The following TGM4 variants were observed in gnomAD, a reference collection of about 807,000 sequenced individuals.
TGM4 encodes transglutaminase 4.
TGM4 carries 61 observed loss-of-function variants against 76.3 expected under a neutral mutation model. The ratio of observed to expected loss-of-function variants is 0.80; its 90% CI spans 0.65 to 0.99. The LOEUF is 0.99. Among genes scored for constraint, TGM4 ranks in the 50% least tolerant of loss-of-function variants. TGM4 has a pLI of 0.00. For missense variants in TGM4, 794 were observed against 843.2 expected (o/e 0.94, Z 0.72); for synonymous variants, 337 against 329.8 (o/e 1.02, Z -0.24).
chr3:44,899,842 T>C (rs1699828565), intron 6 of TGM4, among the ~76,000 whole-genome samples: 1 of 152,182 alleles, frequency 6.6e-6, no homozygotes, highest in African/African-American at 2.4e-5. Flanking sequence ...CAGCCTCAGG[T>C]CAGGGCAGCT....
intron 13 of TGM4, among the ~76,000 whole-genome samples, chr3:44,912,464 T>G (rs891214398): frequency 6.6e-6 from 1 of 152,326 alleles, no homozygotes. Context: ...TTCATTTGTC[T>G]TCTTCTAATA....
chr3:44,911,218 G>A, intron 12 of TGM4, 52 bp from the exon 13 acceptor site: 3 of 1,611,442 alleles, frequency 1.9e-6, no homozygotes, highest in Non-Finnish European at 2.5e-6. Context: ...AGGGTCCTTG[G>A]TTGGCTCATG....
chr3:44,905,272 C>A (rs1036370836), intron 9 of TGM4, among the ~76,000 whole-genome samples: 3 of 149,960 alleles, frequency 2.0e-5, no homozygotes, highest in Non-Finnish European at 2.9e-5. Flanking sequence ...AGGTGTGAAC[C>A]ACCGCACCCA....
intron 1 of TGM4, 129 bp downstream of exon 1, chr3:44,874,826 T>C (rs1575706943): frequency 9.4e-7 from 1 of 1,069,378 alleles, no homozygotes; most frequent in East Asian, 2.6e-5. Context: ...CTGGTGCTGC[T>C]TGCTTTCTGT....
intron 10 of TGM4, among the ~76,000 whole-genome samples, chr3:44,908,862 C>G (rs1699962727): frequency 6.6e-6 from 1 of 152,088 alleles, no homozygotes; most frequent in African/African-American, 2.4e-5. Context: ...CACCCCCACA[C>G]CACCATGTAT....
In TGM4 at chr3:44,885,488, A is replaced by G. The variant is rs1290345504; in HGVS notation, c.183A>G (p.Glu61=). The G allele has an allele frequency of 6.2e-7, 1 of 1,611,176 alleles. No homozygotes were observed. Among genetic ancestry groups the G allele is most frequent in the Non-Finnish European group, 8.5e-7 (1 of 1,178,892 alleles). The change falls in exon 2 of 14, where the codon GAA becomes GAG. Residue 61 remains glutamate, a synonymous_variant. Transcript: ENST00000296125. ...AATCCTACCACCAACTGAAACTGGA[A>G]TTCAGCACAGGTGAAGCCTCGGGGC... ...PLQSYHQLKL[E]FSTGPNPSIA...
rs1198739641 is a variant in TGM4 at position 44,901,827 on chromosome 3, G to C, written c.867G>C (p.Val289=). The stretch of plus-strand genomic sequence containing the variant: ...CGTTGGGCATCCCAGCACGCAGTGT[G>C]ACAGGCTTCGATTCAGCTCACGACA... ...LRALGIPARS[V]TGFDSAHDTE... The change falls in exon 8 of 14, where the codon GTG becomes GTC. Residue 289 remains valine, a synonymous_variant. Coordinates refer to ENST00000296125, the MANE Select transcript of TGM4 (RefSeq NM_003241.4). 1.9e-6 allele frequency: 3 copies of C among 1,614,170 alleles called. No individual in the cohort carries two copies. The highest frequency in any genetic ancestry group is 2.5e-6 in the Non-Finnish European group (3 of 1,180,024).
chr3:44,890,421 C>G (rs1019549332), intron 3 of TGM4, 182 bp from the exon 4 acceptor site: 4 of 750,942 alleles, frequency 5.3e-6, no homozygotes, highest in Non-Finnish European at 6.5e-6. Flanking sequence ...GCTTTTCTGT[C>G]TCATGCATCC....
At chr3:44,909,137 G>C (rs1380849053) in intron 10 of TGM4, among the ~76,000 whole-genome samples, 1 of 152,210 alleles carries the variant, frequency 6.6e-6, no homozygotes, top group Non-Finnish European at 1.5e-5. Flanking sequence ...GAATCATTAA[G>C]ACTCCTAGCC....
In TGM4 at chr3:44,885,353, G is replaced by T; in HGVS notation, c.48G>T (p.Leu16Phe). ...TGCAAGTTCTCCACATTGACTTCTT[G>T]AATCAGGACAACGCCGTTTCTCACC... Reference protein sequence around the residue: ...KELQVLHIDFLNQDNAVSHHT... With the variant: ...KELQVLHIDFFNQDNAVSHHT... The change falls in exon 2 of 14, where the codon TTG becomes TTT. Residue 16 changes from leucine (L) to phenylalanine (F), a missense_variant. Physicochemically the swap from Leu to Phe is conservative, Grantham distance 22. Transcript: ENST00000296125. 11 of 1,611,342 alleles carry T rather than the reference G, an allele frequency of 6.8e-6. No individual in the cohort carries two copies. Among genetic ancestry groups the T allele is most frequent in the Non-Finnish European group, 9.3e-6 (11 of 1,177,758 alleles).
chr3:44,896,827 A>G lies in TGM4; in HGVS notation c.657+11A>G, dbSNP rs776553357. On this transcript the variant is annotated intron_variant, in intron 6 of 13. Transcript: ENST00000296125. ...GCCATGTGTGCTATGGTAGGTATGGAAAGCCTGGGCTGATGCTGTCTTGTA... is the reference window on the plus strand; with the variant it reads ...GCCATGTGTGCTATGGTAGGTATGGGAAGCCTGGGCTGATGCTGTCTTGTA... 6.2e-7 allele frequency: 1 copy of G among 1,611,852 alleles called. No homozygotes were observed. The highest frequency in any genetic ancestry group is 1.7e-5 in the Admixed American group (1 of 59,992).
intron 1 of TGM4, among the ~76,000 whole-genome samples, chr3:44,878,480 T>C (rs1427714759): frequency 6.8e-6 from 1 of 147,098 alleles, no homozygotes; most frequent in Non-Finnish European, 1.5e-5. Context: ...ATTATTATTA[T>C]TATTATTATT....
At chr3:44,885,731 G>T (rs1259286320) in intron 2 of TGM4, among the ~76,000 whole-genome samples, 2 of 152,160 alleles carry the variant, frequency 1.3e-5, no homozygotes, top group Non-Finnish European at 2.9e-5. Context: ...GCAGGGGAGG[G>T]GCCAGAGCAG....
chr3:44,913,652 A>C lies in TGM4; in HGVS notation c.1982A>C (p.Lys661Thr). ...KCTPIKTGPK[K>T]FIVKLSSKQV... ...ACCCCAATAAAAACTGGACCCAAGA[A>C]ATTTATCGTCAAGTTAAGTTCCAAA... The change falls in exon 14 of 14, where the codon AAA becomes ACA. Residue 661 changes from lysine to threonine, a missense_variant. By Grantham distance (78) the Lys-to-Thr change is moderately conservative. Transcript: ENST00000296125. 1 of 1,614,240 alleles carries C rather than the reference A, an allele frequency of 6.2e-7. No individual in the cohort carries two copies. Among genetic ancestry groups the C allele is most frequent in the Non-Finnish European group, 8.5e-7 (1 of 1,180,044 alleles).
intron 1 of TGM4, among the ~76,000 whole-genome samples, chr3:44,876,734 A>C (rs1321590799): frequency 6.6e-6 from 1 of 152,212 alleles, no homozygotes; most frequent in Non-Finnish European, 1.5e-5. Context: ...GGAAAAGAAC[A>C]GTAAAACTGA....
In TGM4 at chr3:44,882,883, C is replaced by T. The variant is rs144381284; in HGVS notation, c.20-2442C>T. Among the ~76,000 whole-genome samples, 66 of 152,336 alleles carry T rather than the reference C, an allele frequency of 4.3e-4. 1 individual carries two copies. The highest frequency in any genetic ancestry group is 1.5e-3 in the African/African-American group (62 of 41,582). Reference sequence around the variant, plus strand: ...TACTGTGTGCCAGGCATGTGCCAGGCACTCAATGTGCACACTAGCCACCAA... The same window carrying T: ...TACTGTGTGCCAGGCATGTGCCAGGTACTCAATGTGCACACTAGCCACCAA... On this transcript the variant is annotated intron_variant, in intron 1 of 13. Coordinates refer to ENST00000296125, the MANE Select transcript of TGM4 (RefSeq NM_003241.4).
At chr3:44,902,548 C>T (rs1389484639) in intron 8 of TGM4, among the ~76,000 whole-genome samples, 1 of 152,020 alleles carries the variant, frequency 6.6e-6, no homozygotes, top group Non-Finnish European at 1.5e-5. Flanking sequence ...TGCAGTGAGC[C>T]GAGATCGCAC....
chr3:44,892,346 G>C (rs910315427), intron 4 of TGM4, among the ~76,000 whole-genome samples: 21 of 148,856 alleles, frequency 1.4e-4, no homozygotes, highest in Non-Finnish European at 2.5e-4. Context: ...ATTCCAGTTT[G>C]GTCACTTTTT....
At chr3:44,879,428 T>C (rs1342694127) in intron 1 of TGM4, among the ~76,000 whole-genome samples, 2 of 151,262 alleles carry the variant, frequency 1.3e-5, no homozygotes, top group Non-Finnish European at 2.9e-5. Context: ...TGCCTCAGCC[T>C]CTCGAGTAGC....
Sources: allele counts gnomAD v4.1 joint callset (sites outside exome capture counted in the v4.1 genomes callset), GRCh38; gene constraint gnomAD v4.1.1; transcripts MANE v1.5; gene names NCBI Gene and HGNC (gene_info 2026-07-23, HGNC 2026-07-21).